The following UNC13C variants were observed in gnomAD, a reference collection of about 807,000 sequenced individuals.
The protein encoded by UNC13C is unc-13 homolog C.
Under a neutral mutation model 245.4 loss-of-function variants are expected in UNC13C, and 174 were observed. The ratio of observed to expected loss-of-function variants is 0.71; its 90% confidence interval spans 0.63 to 0.80. UNC13C has a LOEUF of 0.80. Among genes scored for constraint, UNC13C ranks in the 30% least tolerant of loss-of-function variants. UNC13C has a pLI of 0.00. For synonymous variants in UNC13C, 992 were observed against 895.1 expected (o/e 1.11, Z -1.93); for missense variants, 2,829 against 2,602.9 (o/e 1.09, Z -1.89).
the UNC13C span, chr15:53,948,448 C>G: frequency 6.6e-6 from 1 of 151,972 alleles, no homozygotes; most frequent in African/African-American, 2.4e-5. Flanking sequence ...AATCCCGTCT[C>G]TACTCAAAAT....
intron 30 of UNC13C, among the ~76,000 whole-genome samples, chr15:54,590,971 A>G (rs578181189): frequency 6.6e-6 from 1 of 152,154 alleles, no homozygotes; most frequent in Non-Finnish European, 1.5e-5. Context: ...TTTCCCTTGT[A>G]TACCAATTTT....
intron 1 of UNC13C, among the ~76,000 whole-genome samples, chr15:54,007,340 G>A (rs923106371): frequency 1.3e-5 from 2 of 152,152 alleles, no homozygotes; most frequent in African/African-American, 4.8e-5. Flanking sequence ...TGATTCAATA[G>A]CAAAGACATG....
chr15:54,580,185 C>T (rs527282682), intron 30 of UNC13C, among the ~76,000 whole-genome samples: 13 of 152,278 alleles, frequency 8.5e-5, no homozygotes, highest in Admixed American at 7.8e-4. Flanking sequence ...GGGTCAGTGG[C>T]GTTAATTGGA....
intron 2 of UNC13C, among the ~76,000 whole-genome samples, chr15:54,065,842 T>C (rs529982323): frequency 6.6e-6 from 1 of 152,184 alleles, no homozygotes; most frequent in South Asian, 2.1e-4. Context: ...CTCTCTGCTA[T>C]CCTCGTTGCT....
the UNC13C span, among the ~76,000 whole-genome samples, chr15:53,880,812 C>T: frequency 1.6e-4 from 25 of 151,948 alleles, 1 homozygote; most frequent in Admixed American, 1.1e-3. Context: ...GCTTACTGCC[C>T]CTCCATTGCC....
At chr15:53,915,034 A>C in the UNC13C span, among the ~76,000 whole-genome samples, 558 of 152,220 alleles carry the variant, frequency 3.7e-3, 8 homozygotes, top group African/African-American at 0.013. Context: ...TCCCAACTGA[A>C]TTTGAATTAT....
intron 2 of UNC13C, among the ~76,000 whole-genome samples, chr15:54,108,947 C>G (rs1374065151): frequency 6.6e-6 from 1 of 152,156 alleles, no homozygotes; most frequent in Admixed American, 6.5e-5. Flanking sequence ...TACATTTAGC[C>G]TGGCGGAATT....
At chr15:54,080,060 G>A (rs928473766) in intron 2 of UNC13C, among the ~76,000 whole-genome samples, 8 of 131,752 alleles carry the variant, frequency 6.1e-5, no homozygotes, top group African/African-American at 2.1e-4. Flanking sequence ...ATTCTGTTTT[G>A]GCATCGATTG....
At chr15:54,485,153 C>T (rs1893339133) in intron 19 of UNC13C, among the ~76,000 whole-genome samples, 1 of 152,088 alleles carries the variant, frequency 6.6e-6, no homozygotes, top group Admixed American at 6.5e-5. Flanking sequence ...TAGGCCAAGT[C>T]CAATGTTGAT....
intron 18 of UNC13C, among the ~76,000 whole-genome samples, chr15:54,411,861 T>C (rs1473940631): frequency 1.3e-5 from 2 of 152,202 alleles, no homozygotes; most frequent in African/African-American, 2.4e-5. Flanking sequence ...TGAGATTGCA[T>C]TGAATCTATG....
In UNC13C at chr15:54,455,237, AT is replaced by A. The variant is rs1567289253; in HGVS notation, c.4934-39370del. On this transcript the variant is annotated intron_variant, in intron 19 of 32. Transcript: ENST00000260323. The stretch of plus-strand genomic sequence containing the variant: ...TATATATATATATATATATATATAT[AT>A]GTTTTTTAATCCACTCATTGGTAGA... 2.2e-3 allele frequency among the ~76,000 whole-genome samples: 194 copies of A among 89,726 alleles called. 35 individuals carry two copies. The highest frequency in any genetic ancestry group is 3.3e-3 in the African/African-American group (73 of 22,316). 58.9% of individuals were successfully genotyped at this position (89,726 alleles called of 152,430 possible). A position where few individuals can be genotyped will look rare whatever the true frequency, so the allele number is the denominator to read the frequency against.
chr15:54,051,549 A>C (rs1195530021), intron 2 of UNC13C, among the ~76,000 whole-genome samples: 2 of 152,120 alleles, frequency 1.3e-5, no homozygotes, highest in Non-Finnish European at 2.9e-5. Context: ...ATCTGGTAAC[A>C]CTAGCTGCTG....
intron 8 of UNC13C, among the ~76,000 whole-genome samples, chr15:54,262,455 C>T (rs565446681): frequency 8.5e-5 from 13 of 152,158 alleles, no homozygotes; most frequent in Non-Finnish European, 1.8e-4. Flanking sequence ...ATATTAACTA[C>T]TTGAATAAAA....
At chr15:54,130,383 C>T (rs1273553941) in intron 2 of UNC13C, among the ~76,000 whole-genome samples, 1 of 150,558 alleles carries the variant, frequency 6.6e-6, no homozygotes. Context: ...AGCTCCGCCT[C>T]CCGGGTTCAC....
chr15:54,117,899 A>G (rs2030384702), intron 2 of UNC13C, among the ~76,000 whole-genome samples: 1 of 152,086 alleles, frequency 6.6e-6, no homozygotes, highest in South Asian at 2.1e-4. Flanking sequence ...TATATTGAGA[A>G]GAGTGTCTTT....
At chr15:53,976,131 G>A (rs375829352), upstream of UNC13C, among the ~76,000 whole-genome samples, 2 of 152,258 alleles carry the variant, frequency 1.3e-5, no homozygotes, top group African/African-American at 2.4e-5. Context: ...GGTCAATAAA[G>A]TCATAAAGCT....
At chr15:54,477,824 A>C in intron 19 of UNC13C, among the ~76,000 whole-genome samples, 1 of 149,462 alleles carries the variant, frequency 6.7e-6, no homozygotes, top group Non-Finnish European at 1.5e-5. Context: ...CTGGCCTCAT[A>C]AAATGAGTTA....
At chr15:54,577,550 A>G (rs2553222) in intron 30 of UNC13C, among the ~76,000 whole-genome samples, 58,707 of 151,998 alleles carry the variant, frequency 0.39, 11,518 homozygotes, top group East Asian at 0.55. Flanking sequence ...AAAAGGGAAG[A>G]CTACGTTCAG....
At chr15:54,263,722 A>G (rs193016853) in intron 8 of UNC13C, among the ~76,000 whole-genome samples, 11 of 152,268 alleles carry the variant, frequency 7.2e-5, no homozygotes, top group African/African-American at 2.6e-4. Flanking sequence ...TGTTTAGCAA[A>G]TAACAGTGAT....
Sources: gnomAD v4.1 joint callset for allele counts (sites outside exome capture counted in the v4.1 genomes callset) on GRCh38, gnomAD v4.1.1 for gene constraint, MANE v1.5 for transcripts, NCBI Gene and HGNC (gene_info 2026-07-23, HGNC 2026-07-21) for gene names.